COBL: variants seen among roughly 807,000 people sequenced by gnomAD.
COBL encodes protein cordon-bleu.
In COBL, 51 loss-of-function variants were observed where a neutral mutation model predicts 98.8. The observed-to-expected ratio is 0.52, with a 90% CI of 0.41 to 0.65. The LOEUF is 0.65. Among genes scored for constraint, COBL ranks in the 30% least tolerant of loss-of-function variants. COBL has a pLI of 0.00. For missense variants in COBL, 1,617 were observed against 1,617.5 expected (o/e 1.00, Z 0.01); for synonymous variants, 634 against 651.7 (o/e 0.97, Z 0.41).
chr7:51,156,836 C>A (rs530055195), intron 5 of COBL, among the ~76,000 whole-genome samples: 1 of 152,254 alleles, frequency 6.6e-6, no homozygotes, highest in African/African-American at 2.4e-5. Context: ...TCCTCTCCCC[C>A]TTAAACTGTT....
At chr7:51,238,787 G>A (rs962864610) in intron 1 of COBL, among the ~76,000 whole-genome samples, 2 of 152,004 alleles carry the variant, frequency 1.3e-5, no homozygotes, top group Non-Finnish European at 2.9e-5. Flanking sequence ...TGTCTCCTCT[G>A]CAGAGAAGTC....
intron 6 of COBL, among the ~76,000 whole-genome samples, chr7:51,131,409 C>G (rs1352792566): frequency 2.0e-5 from 3 of 152,110 alleles, no homozygotes; most frequent in Admixed American, 6.5e-5. Flanking sequence ...TAAACTTCCA[C>G]AAGTTACTTA....
intron 1 of COBL, among the ~76,000 whole-genome samples, chr7:51,281,964 T>C (rs1799856142): frequency 6.6e-6 from 1 of 152,100 alleles, no homozygotes; most frequent in Non-Finnish European, 1.5e-5. Flanking sequence ...TCCACATAAA[T>C]GGTAAAATAC....
At position 51,084,184 on chromosome 7, in the gene COBL, G is replaced by A. The variant is rs115841060; in HGVS notation, c.1096+982C>T. On this transcript the variant is annotated intron_variant, in intron 7 of 12. Coordinates refer to ENST00000265136, the MANE Select transcript of COBL (RefSeq NM_015198.5). ...CGAGGAACTGACTAAGGGGAAAGAC[G>A]CTGACAAACTGCCACGGAGCTCTCA... 7.1e-3 allele frequency among the ~76,000 whole-genome samples: 1,081 copies of A among 152,238 alleles called. 12 individuals are homozygous for A. The highest frequency in any genetic ancestry group is 0.025 in the African/African-American group (1,046 of 41,530).
chr7:51,221,805 C>T (rs769883357), intron 1 of COBL, among the ~76,000 whole-genome samples: 4 of 152,182 alleles, frequency 2.6e-5, no homozygotes, highest in Non-Finnish European at 5.9e-5. Flanking sequence ...TCATTTAAAA[C>T]GACAGCAAAA....
At chr7:51,215,461 AT>A (rs1792940566) in intron 2 of COBL, among the ~76,000 whole-genome samples, 1 of 152,212 alleles carries the variant, frequency 6.6e-6, no homozygotes, top group Non-Finnish European at 1.5e-5. Context: ...GAAGGCGGGC[AT>A]TAGAAATGAT....
intron 5 of COBL, among the ~76,000 whole-genome samples, chr7:51,141,392 C>T (rs1799730923): frequency 6.6e-6 from 1 of 152,124 alleles, no homozygotes; most frequent in African/African-American, 2.4e-5. Flanking sequence ...CTTAGAAGGA[C>T]ATGATGTTTG....
intron 7 of COBL, among the ~76,000 whole-genome samples, chr7:51,066,191 T>G (rs993830): frequency 0.99 from 150,963 of 152,318 alleles, 74,820 homozygotes; most frequent in Middle Eastern, 1. Flanking sequence ...GTCTCTGTGG[T>G]GTCCTCTGAT....
intron 4 of COBL, among the ~76,000 whole-genome samples, chr7:51,187,327 T>TACACACAC (rs1485148956): frequency 1.4e-4 from 19 of 139,040 alleles, no homozygotes; most frequent in African/African-American, 4.7e-4. Flanking sequence ...TATATATATA[T>TACACACAC]ATATACACAC....
rs114072499 is a variant in COBL at position 51,127,264 on chromosome 7, C to T, written c.957+8894G>A. ...ACAAACGTGAGCTACACCCAGAGTC[C>T]GGTTTCTTGAAAGAGCTCATCATGC... On this transcript the variant is annotated intron_variant, in intron 6 of 12. Transcript: ENST00000265136. Among the ~76,000 whole-genome samples, 772 of 152,292 alleles carry T rather than the reference C, an allele frequency of 5.1e-3. 4 individuals are homozygous for T. The highest frequency in any genetic ancestry group is 0.018 in the African/African-American group (735 of 41,566).
At chr7:51,276,967 C>T (rs1331957766) in intron 1 of COBL, among the ~76,000 whole-genome samples, 1 of 152,182 alleles carries the variant, frequency 6.6e-6, no homozygotes, top group African/African-American at 2.4e-5. Flanking sequence ...GGAGATGCAT[C>T]TGGGAGCAGC....
intron 1 of COBL, among the ~76,000 whole-genome samples, chr7:51,271,777 C>G (rs929223540): frequency 6.6e-6 from 1 of 152,196 alleles, no homozygotes; most frequent in Non-Finnish European, 1.5e-5. Context: ...CACCTGTAAT[C>G]CCAACACTTT....
intron 12 of COBL, among the ~76,000 whole-genome samples, chr7:51,020,322 T>C (rs1786802335): frequency 6.6e-6 from 1 of 152,282 alleles, no homozygotes; most frequent in Admixed American, 6.5e-5. Flanking sequence ...GATTAGCCTG[T>C]CCCAGCTTCT....
intron 5 of COBL, 106 bp from the exon 6 acceptor site, chr7:51,136,437 A>C (rs1583916886): frequency 1.7e-6 from 2 of 1,202,570 alleles, no homozygotes; most frequent in Non-Finnish European, 2.3e-6. Context: ...CTGAGCTTGA[A>C]CGGCAGCTGT....
intron 6 of COBL, among the ~76,000 whole-genome samples, chr7:51,126,712 C>T (rs1018588541): frequency 1.2e-4 from 18 of 152,068 alleles, no homozygotes; most frequent in African/African-American, 7.2e-5. Flanking sequence ...AGTCACTCAC[C>T]CCTCCCAAAT....
chr7:51,094,401 T>C (rs919225945), intron 6 of COBL, among the ~76,000 whole-genome samples: 1 of 152,116 alleles, frequency 6.6e-6, no homozygotes, highest in Non-Finnish European at 1.5e-5. Context: ...AAAAAGTTAG[T>C]GAGGTAATAT....
In COBL at chr7:51,193,392, G is replaced by C; in HGVS notation, c.443C>G (p.Pro148Arg). ...GTACCTACTAACCTCAGGCACCTTAGGGGGACCAGGCTTAACCTTCTCTTC... is the reference window on the plus strand; with the variant it reads ...GTACCTACTAACCTCAGGCACCTTACGGGGACCAGGCTTAACCTTCTCTTC... The part of the protein sequence containing the change: ...VPEEKVKPGP[P>R]KVPEKSVRLV... The change falls in exon 3 of 13, where the codon CCT (proline) becomes CGT (arginine). Residue 148 changes from proline to arginine, a missense_variant. Coordinates refer to ENST00000265136, the MANE Select transcript of COBL (RefSeq NM_015198.5). 6.2e-7 allele frequency: 1 copy of C among 1,614,120 alleles called. No individual in the cohort carries two copies. The highest frequency in any genetic ancestry group is 8.5e-7 in the Non-Finnish European group (1 of 1,179,992).
chr7:51,160,081 G>T (rs1786636945), intron 5 of COBL, among the ~76,000 whole-genome samples: 1 of 152,066 alleles, frequency 6.6e-6, no homozygotes, highest in African/African-American at 2.4e-5. Flanking sequence ...TAGTACAGAT[G>T]GGGTTTTGCC....
chr7:51,261,731 C>T (rs547676726), intron 1 of COBL, among the ~76,000 whole-genome samples: 23 of 152,222 alleles, frequency 1.5e-4, no homozygotes, highest in African/African-American at 4.6e-4. Flanking sequence ...CTTTGAGAGG[C>T]CGAAGTAGGC....
Sources: allele counts gnomAD v4.1 joint callset (sites outside exome capture counted in the v4.1 genomes callset), GRCh38; gene constraint gnomAD v4.1.1; transcripts MANE v1.5; gene names NCBI Gene and HGNC (gene_info 2026-07-23, HGNC 2026-07-21).